RSPO2: variants seen among roughly 807,000 people sequenced by gnomAD.
The protein encoded by RSPO2 is R-spondin-2.
In RSPO2, 14 loss-of-function variants were observed where a neutral mutation model predicts 30.9. That is an observed-to-expected ratio of 0.45 (90% CI 0.30 to 0.71). The LOEUF (loss-of-function observed/expected upper bound fraction) is 0.71, where lower values mean the gene tolerates loss of function less well. Among genes scored for constraint, RSPO2 ranks in the 30% least tolerant of loss-of-function variants. RSPO2 has a pLI of 0.08. For missense variants in RSPO2, 264 were observed against 301.9 expected (o/e 0.87, Z 0.93); for synonymous variants, 107 against 96.4 (o/e 1.11, Z -0.64).
chr8:107,980,266 A>G (rs1324840729), intron 3 of RSPO2, among the ~76,000 whole-genome samples: 1 of 152,126 alleles, frequency 6.6e-6, no homozygotes, highest in African/African-American at 2.4e-5. Flanking sequence ...CCTGCCTAGT[A>G]TATCAGCAGT....
intron 2 of RSPO2, among the ~76,000 whole-genome samples, chr8:108,011,480 CAG>C (rs1810711492): frequency 6.6e-6 from 1 of 152,140 alleles, no homozygotes; most frequent in Non-Finnish European, 1.5e-5. Flanking sequence ...TAATAGAGAA[CAG>C]AGTGATTTTG....
chr8:107,922,870 G>A (rs1450933896), intron 5 of RSPO2, among the ~76,000 whole-genome samples: 5 of 152,050 alleles, frequency 3.3e-5, no homozygotes. Context: ...AGGATAATTG[G>A]CTAAGCATAT....
chr8:107,983,315 A>G, intron 3 of RSPO2: 1 of 1,606,964 alleles, frequency 6.2e-7, no homozygotes, highest in Non-Finnish European at 8.5e-7. Context: ...CATATGAAAC[A>G]GCTCCTCCTC....
chr8:107,953,539 T>C (rs1813320984), intron 5 of RSPO2, among the ~76,000 whole-genome samples: 1 of 152,228 alleles, frequency 6.6e-6, no homozygotes, highest in African/African-American at 2.4e-5. Context: ...TAAAATGATA[T>C]TTCTGCATAG....
At chr8:107,985,267 C>T (rs1814583862) in intron 3 of RSPO2, among the ~76,000 whole-genome samples, 1 of 152,010 alleles carries the variant, frequency 6.6e-6, no homozygotes. Flanking sequence ...ATCTTTAAAA[C>T]ATGTATTATG....
intron 2 of RSPO2, among the ~76,000 whole-genome samples, chr8:108,078,160 A>G (rs1043861253): frequency 1.3e-5 from 2 of 152,186 alleles, no homozygotes; most frequent in Admixed American, 6.5e-5. Context: ...GCAAATAAAG[A>G]AAGCCCAGGG....
intron 2 of RSPO2, among the ~76,000 whole-genome samples, chr8:108,056,653 A>T (rs113540981): frequency 0.047 from 7,117 of 150,020 alleles, 516 homozygotes; most frequent in African/African-American, 0.16. Context: ...AGAAAAGAAA[A>T]GAAAAAGAAA....
At chr8:107,986,767 T>C (rs1039165885) in intron 3 of RSPO2, among the ~76,000 whole-genome samples, 11 of 152,162 alleles carry the variant, frequency 7.2e-5, no homozygotes, top group Admixed American at 2.6e-4. Flanking sequence ...CTTGTCTTCC[T>C]TGTGCGCTAA....
chr8:107,903,492 T>C (rs896830678), intron 5 of RSPO2, among the ~76,000 whole-genome samples: 2 of 152,106 alleles, frequency 1.3e-5, no homozygotes, highest in Non-Finnish European at 2.9e-5. Flanking sequence ...TCTGAAGTAA[T>C]TGTCAATATT....
In RSPO2 at chr8:107,903,610, G is replaced by GAAAGCTTATTTATGTAAA. The variant is rs1811546716; in HGVS notation, c.617-2438_617-2421dup. On this transcript the variant is annotated intron_variant, in intron 5 of 5. Coordinates refer to ENST00000276659, the MANE Select transcript of RSPO2 (RefSeq NM_178565.5). Reference sequence around the variant, plus strand: ...TGGCCAAAAATTCAGCAATGCTTCTGAAAGCTTATTTATGTAAAATAATTT... The same window carrying GAAAGCTTATTTATGTAAA: ...TGGCCAAAAATTCAGCAATGCTTCTGAAAGCTTATTTATGTAAAAAAGCTTATTTATGTAAAATAATTT... Among the ~76,000 whole-genome samples, 3 of 152,214 alleles carry GAAAGCTTATTTATGTAAA rather than the reference G, an allele frequency of 2.0e-5. No individual in the cohort carries two copies. The East Asian group carries it at 5.8e-4, about 29-fold the overall frequency.
intron 5 of RSPO2, among the ~76,000 whole-genome samples, chr8:107,921,557 A>C (rs1812174830): frequency 1.3e-5 from 2 of 152,072 alleles, no homozygotes; most frequent in Non-Finnish European, 2.9e-5. Flanking sequence ...ATTCCCACTA[A>C]AACTATTCCA....
chr8:107,926,002 C>A (rs915876268), intron 5 of RSPO2, among the ~76,000 whole-genome samples: 1 of 152,160 alleles, frequency 6.6e-6, no homozygotes, highest in African/African-American at 2.4e-5. Flanking sequence ...AATGGTTGAA[C>A]TAGTTTACAG....
chr8:107,923,099 G>C (rs1255493214), intron 5 of RSPO2, among the ~76,000 whole-genome samples: 1 of 152,132 alleles, frequency 6.6e-6, no homozygotes, highest in African/African-American at 2.4e-5. Flanking sequence ...AAACTTACGA[G>C]CTTCTGCACA....
intron 2 of RSPO2, among the ~76,000 whole-genome samples, chr8:108,014,818 C>T (rs1273526984): frequency 6.8e-6 from 1 of 146,998 alleles, no homozygotes; most frequent in Non-Finnish European, 1.5e-5. Context: ...ATGTTCTGCC[C>T]ATGTGTCCCA....
At chr8:107,996,115 A>G (rs1815013824) in intron 2 of RSPO2, among the ~76,000 whole-genome samples, 2 of 152,240 alleles carry the variant, frequency 1.3e-5, no homozygotes, top group Middle Eastern at 3.4e-3. Context: ...AGGGTAAAAA[A>G]TTGAGGGAGA....
Position 107,899,338 on chromosome 8 carries a change from C to CA in RSPO2, c.*1736dup, listed in dbSNP as rs1811366560. The CA allele has an allele frequency of 6.6e-6, 1 of 152,326 alleles. No homozygotes were observed. The allele number at this position is 152,326 out of a possible 1,614,324, so 9.4% of individuals were successfully genotyped here. On this transcript the variant is annotated 3_prime_UTR_variant, in exon 6 of 6. Transcript: ENST00000276659. ...AAATAATTTTGAAGTTTTTAATGCA[C>CA]AAAAAAGAACATCCCAGGAACAACA...
chr8:107,901,677 C>T (rs915412739), intron 5 of RSPO2, among the ~76,000 whole-genome samples: 1 of 152,212 alleles, frequency 6.6e-6, no homozygotes, highest in African/African-American at 2.4e-5. Flanking sequence ...CTCCATATTC[C>T]AAATACCAAT....
chr8:108,032,287 T>C (rs1471524614), intron 2 of RSPO2, among the ~76,000 whole-genome samples: 3 of 152,198 alleles, frequency 2.0e-5, no homozygotes, highest in Non-Finnish European at 4.4e-5. Flanking sequence ...TAATAACACA[T>C]ATAGTTCCCA....
chr8:107,952,289 GCACACA>G (rs60942015), intron 5 of RSPO2, among the ~76,000 whole-genome samples: 7,328 of 148,924 alleles, frequency 0.049, 314 homozygotes, highest in African/African-American at 0.11. Flanking sequence ...ACACACACAT[GCACACA>G]CACACACACA....
Sources: gnomAD v4.1 joint callset for allele counts (sites outside exome capture counted in the v4.1 genomes callset) on GRCh38, gnomAD v4.1.1 for gene constraint, MANE v1.5 for transcripts, NCBI Gene and HGNC (gene_info 2026-07-23, HGNC 2026-07-21) for gene names.